DLG1: variants seen among roughly 807,000 people sequenced by gnomAD.
The protein encoded by DLG1 is discs large MAGUK scaffold protein 1, also known as disks large homolog 1.
Under a neutral mutation model 123.4 loss-of-function variants are expected in DLG1, and 42 were observed. That is an observed-to-expected ratio of 0.34 (90% confidence interval 0.27 to 0.44). The LOEUF (loss-of-function observed/expected upper bound fraction) is 0.44. Among genes scored for constraint, DLG1 ranks in the 20% least tolerant of loss-of-function variants. The pLI is 1.00. For missense variants in DLG1, 942 were observed against 1,082.6 expected (o/e 0.87, Z 1.82); for synonymous variants, 317 against 356.2 (o/e 0.89, Z 1.24).
intron 11 of DLG1, among the ~76,000 whole-genome samples, chr3:197,128,214 C>T (rs1006293711): frequency 3.9e-5 from 6 of 152,312 alleles, no homozygotes; most frequent in African/African-American, 1.4e-4. Context: ...GCTTTATCAA[C>T]TAAGTTTATG....
At chr3:197,058,935 T>G (rs1280797250) in intron 23 of DLG1, among the ~76,000 whole-genome samples, 1 of 152,200 alleles carries the variant, frequency 6.6e-6, no homozygotes, top group Admixed American at 6.5e-5. Context: ...GTCACTCTTT[T>G]TAGTTTTTTG....
Position 197,069,998 on chromosome 3 carries a change from A to G in DLG1, c.2006-738T>C, listed in dbSNP as rs934233777. 3.9e-5 allele frequency: 6 copies of G among 152,292 alleles called. No individual in the cohort carries two copies. In the East Asian group the frequency reaches 1.2e-3, roughly 29 times the overall value. The allele number at this position is 152,292 out of a possible 1,614,324, so 9.4% of individuals were successfully genotyped here. On this transcript the variant is annotated intron_variant, in intron 18 of 24. Coordinates refer to ENST00000667157, the MANE Select transcript of DLG1 (RefSeq NM_001366207.1). ...CTGGCTGGCTTTTGCAAAACATAAA[A>G]AAGACAATGAGAACAAACACACCCA...
intron 5 of DLG1, among the ~76,000 whole-genome samples, chr3:197,154,623 C>T (rs912157405): frequency 5.3e-5 from 8 of 151,716 alleles, no homozygotes; most frequent in Admixed American, 2.6e-4. Flanking sequence ...TGCAGTCAGC[C>T]GAGATGGCAC....
At chr3:197,158,363 C>T (rs1349208112) in intron 5 of DLG1, among the ~76,000 whole-genome samples, 1 of 151,694 alleles carries the variant, frequency 6.6e-6, no homozygotes, top group Admixed American at 6.6e-5. Context: ...TGGCTCATGC[C>T]TGTAATCCCA....
At chr3:197,202,311 A>G (rs1726192062) in intron 4 of DLG1, among the ~76,000 whole-genome samples, 1 of 152,204 alleles carries the variant, frequency 6.6e-6, no homozygotes, top group Non-Finnish European at 1.5e-5. Context: ...TTTCTCAACC[A>G]GATTATAGAA....
intron 5 of DLG1, chr3:197,161,858 A>C (rs1798911609): frequency 1.6e-6 from 1 of 627,636 alleles, no homozygotes; most frequent in Non-Finnish European, 2.7e-6. Flanking sequence ...CAACAGGAAA[A>C]ACATTAATAC....
chr3:197,125,585 T>C (rs1404219927), intron 11 of DLG1, among the ~76,000 whole-genome samples: 3 of 152,122 alleles, frequency 2.0e-5, no homozygotes, highest in Non-Finnish European at 2.9e-5. Flanking sequence ...GAACTGAGGG[T>C]TGTAGTCACA....
chr3:197,293,363 G>GT (rs1290944291), intron 3 of DLG1, among the ~76,000 whole-genome samples: 3 of 152,154 alleles, frequency 2.0e-5, no homozygotes, highest in South Asian at 4.1e-4. Context: ...ATCCTTCAAA[G>GT]ATACTACCAA....
chr3:197,090,014 T>C (rs894117821), intron 15 of DLG1, among the ~76,000 whole-genome samples: 1 of 151,802 alleles, frequency 6.6e-6, no homozygotes, highest in African/African-American at 2.4e-5. Context: ...TCATATCATA[T>C]GTAAACAAGT....
intron 14 of DLG1, among the ~76,000 whole-genome samples, chr3:197,103,006 A>G (rs1034161520): frequency 1.3e-5 from 2 of 152,258 alleles, no homozygotes; most frequent in African/African-American, 2.4e-5. Flanking sequence ...GATCCTACAG[A>G]GGCAGGCTGC....
At chr3:197,161,507 T>A (rs1798747937) in intron 5 of DLG1, 1 of 513,688 alleles carries the variant, frequency 1.9e-6, no homozygotes, top group South Asian at 4.5e-5. Context: ...TTTAAGTCCC[T>A]AAAACTACTA....
intron 5 of DLG1, among the ~76,000 whole-genome samples, chr3:197,164,739 TAAAAAA>T (rs145314765): frequency 1.5e-5 from 2 of 130,672 alleles, no homozygotes. Flanking sequence ...CCGTCTCTAC[TAAAAAA>T]AAAAAAAAAA....
chr3:197,260,886 C>T (rs1274453952), intron 4 of DLG1, among the ~76,000 whole-genome samples: 4 of 150,872 alleles, frequency 2.7e-5, no homozygotes, highest in Admixed American at 1.3e-4. Flanking sequence ...TGGAATATTC[C>T]ATGTGGTTTT....
intron 12 of DLG1, among the ~76,000 whole-genome samples, chr3:197,118,028 T>A (rs116824370): frequency 6.6e-6 from 1 of 152,068 alleles, no homozygotes; most frequent in South Asian, 2.1e-4. Flanking sequence ...TAAAGTCAAA[T>A]TGTGAAGAAC....
At chr3:197,249,492 T>G (rs9873165) in intron 4 of DLG1, among the ~76,000 whole-genome samples, 87,238 of 151,736 alleles carry the variant, frequency 0.57, 25,414 homozygotes, top group East Asian at 0.79. Flanking sequence ...ACCTAATGGC[T>G]TCCTAATAAA....
intron 16 of DLG1, 138 bp downstream of exon 16, chr3:197,085,442 T>C: frequency 1.2e-6 from 1 of 815,268 alleles, no homozygotes; most frequent in East Asian, 2.5e-5. Flanking sequence ...CATACGATTT[T>C]TGTCTTTCTG....
intron 24 of DLG1, among the ~76,000 whole-genome samples, chr3:197,050,236 A>G (rs1373322971): frequency 1.3e-5 from 2 of 151,986 alleles, no homozygotes; most frequent in East Asian, 1.9e-4. Flanking sequence ...GCGTGGTGGC[A>G]GCTGCCTGTA....
chr3:197,113,907 C>T lies in DLG1; in HGVS notation c.1443+2020G>A, dbSNP rs528008427. 1.7e-4 allele frequency among the ~76,000 whole-genome samples: 26 copies of T among 151,998 alleles called. 1 individual carries two copies. The highest frequency in any genetic ancestry group is 5.8e-4 in the East Asian group (3 of 5,172). On this transcript the variant is annotated intron_variant, in intron 13 of 24. Coordinates refer to ENST00000667157, the MANE Select transcript of DLG1 (RefSeq NM_001366207.1). ...CTCAGGCAGGAATATCGTTTGAGCC[C>T]GTAAGTTTGAGGCTATAATAGTGCT...
At chr3:197,185,473 C>T (rs1715355603) in intron 5 of DLG1, among the ~76,000 whole-genome samples, 4 of 152,084 alleles carry the variant, frequency 2.6e-5, no homozygotes, top group South Asian at 2.1e-4. Flanking sequence ...AGGACTGTGC[C>T]GGCAGTAGCT....
Sources: gnomAD v4.1 joint callset for allele counts (sites outside exome capture counted in the v4.1 genomes callset) on GRCh38, gnomAD v4.1.1 for gene constraint, MANE v1.5 for transcripts, NCBI Gene and HGNC (gene_info 2026-07-23, HGNC 2026-07-21) for gene names.